Variants in AGAP1 observed in about 807,000 individuals in gnomAD.
AGAP1 encodes the protein ArfGAP with GTPase domain, ankyrin repeat and PH domain 1, also known as arf-GAP with GTPase, ANK repeat and PH domain-containing protein 1.
In AGAP1, 29 loss-of-function variants were observed where a neutral mutation model predicts 105.3. That is an observed-to-expected ratio of 0.28 (90% CI 0.21 to 0.38). AGAP1 has a LOEUF of 0.38. Among genes scored for constraint, AGAP1 ranks in the 10% least tolerant of loss-of-function variants. The pLI is 1.00. For synonymous variants in AGAP1, 509 were observed against 485.9 expected (o/e 1.05, Z -0.63); for missense variants, 998 against 1,165.1 (o/e 0.86, Z 2.09).
Position 236,113,003 on chromosome 2 carries a change from G to GT in AGAP1, c.2115-7184dup, listed in dbSNP as rs2059688412. Among the ~76,000 whole-genome samples the GT allele has an allele frequency of 6.6e-6, 1 of 152,324 alleles. No homozygotes were observed. Among genetic ancestry groups the GT allele is most frequent in the African/African-American group, 2.4e-5 (1 of 41,580 alleles). ...GTCTGTCAGTTCTAGGCTCTCCACT[G>GT]TTTTTCCCCTTTTGAAACTTGCAAT... On this transcript the variant is annotated intron_variant, in intron 16 of 17. Transcript: ENST00000304032. The surrounding 1 kb of genome is among the most constrained non-coding windows in gnomAD (Gnocchi z 4.3).
At chr2:235,944,292 T>G (rs1177791186) in intron 12 of AGAP1, among the ~76,000 whole-genome samples, 3 of 152,230 alleles carry the variant, frequency 2.0e-5, no homozygotes, top group Admixed American at 2.0e-4. Flanking sequence ...TGGTCATAGT[T>G]CAAGAATTCA....
intron 6 of AGAP1, among the ~76,000 whole-genome samples, chr2:235,780,426 G>A (rs1321667695): frequency 6.6e-6 from 1 of 152,142 alleles, no homozygotes; most frequent in Non-Finnish European, 1.5e-5. Context: ...GAGATCTTCT[G>A]TCAGTGTGAT....
chr2:235,796,894 G>A (rs943166771), intron 6 of AGAP1, among the ~76,000 whole-genome samples: 13 of 152,328 alleles, frequency 8.5e-5, no homozygotes, highest in African/African-American at 3.1e-4. Flanking sequence ...CATTGGTGTA[G>A]GAAGAGTTTT....
rs558268738 is a variant in AGAP1, at chr2:235,723,806, A to G, written c.310+6162A>G. Among the ~76,000 whole-genome samples, 327 of 107,888 alleles carry G rather than the reference A, an allele frequency of 3.0e-3. No homozygotes were observed. Among genetic ancestry groups the G allele is most frequent in the African/African-American group, 0.011 (310 of 28,672 alleles). The allele number at this position is 107,888 out of a possible 152,430, so 70.8% of individuals were successfully genotyped here. A position where few individuals can be genotyped will look rare whatever the true frequency, so the allele number is the denominator to read the frequency against. ...GGTTGGTTGGTTGGTTGGTTGGTCG[A>G]TCGACAGAGACTTAAGAATGTTCAT... On this transcript the variant is annotated intron_variant, in intron 3 of 17. Transcript: ENST00000304032. The surrounding 1 kb of genome is among the most constrained non-coding windows in gnomAD (Gnocchi z 6.2).
intron 1 of AGAP1, among the ~76,000 whole-genome samples, chr2:235,684,135 G>A (rs973493492): frequency 9.2e-5 from 14 of 152,190 alleles, no homozygotes; most frequent in Non-Finnish European, 1.3e-4. Flanking sequence ...TCCGCTTCCC[G>A]GGTTCACACC....
intron 15 of AGAP1, among the ~76,000 whole-genome samples, chr2:236,043,793 A>T (rs1233881937): frequency 1.3e-5 from 2 of 152,110 alleles, no homozygotes; most frequent in South Asian, 2.1e-4. Flanking sequence ...TAAAATGAAA[A>T]AGGGGTATGA....
At position 235,807,301 on chromosome 2, in the gene AGAP1, TG is replaced by T; in HGVS notation, c.1023del (p.Ser342AlafsTer13). 6.2e-7 allele frequency: 1 copy of T among 1,602,984 alleles called. No individual in the cohort carries two copies. The highest frequency in any genetic ancestry group is 8.5e-7 in the Non-Finnish European group (1 of 1,177,208). ...GCCTGGAGAGTCGTGCGGACAGCATTGGGAGCGGCCGAGCCATCCCAATTAA... is the reference window on the plus strand; with the variant it reads ...GCCTGGAGAGTCGTGCGGACAGCATTGGAGCGGCCGAGCCATCCCAATTAA... ...KGLESRADSI[G>X]SGRAIPIKQG... On this transcript the variant is annotated frameshift_variant, in exon 9 of 18. Transcript: ENST00000304032. LOFTEE classifies it high-confidence loss of function.
Position 235,979,616 on chromosome 2 carries a change from A to G in AGAP1, c.1645+10993A>G, listed in dbSNP as rs761579838. Among the ~76,000 whole-genome samples the G allele has an allele frequency of 6.6e-6, 1 of 152,202 alleles. No individual in the cohort carries two copies. The highest frequency in any genetic ancestry group is 1.5e-5 in the Non-Finnish European group (1 of 68,038). On this transcript the variant is annotated intron_variant, in intron 13 of 17. Coordinates refer to ENST00000304032, the MANE Select transcript of AGAP1 (RefSeq NM_001037131.3). This position sits in a 1 kb window ranked among gnomAD's most constrained non-coding sequence, Gnocchi z 4.5. ...GAACAGGCGCAGCGAACGTTCCGGCAGGCATTGCCGTGCACGGACACACAA... is the reference window on the plus strand; with the variant it reads ...GAACAGGCGCAGCGAACGTTCCGGCGGGCATTGCCGTGCACGGACACACAA...
chr2:235,916,172 AAAAAAG>A (rs2051873159), intron 11 of AGAP1, among the ~76,000 whole-genome samples: 1 of 152,216 alleles, frequency 6.6e-6, no homozygotes, highest in Non-Finnish European at 1.5e-5. Flanking sequence ...ACTCCAGAAA[AAAAAAG>A]AAGAATCCAA....
intron 3 of AGAP1, among the ~76,000 whole-genome samples, chr2:235,718,645 C>T (rs975422921): frequency 2.6e-5 from 4 of 152,326 alleles, no homozygotes; most frequent in East Asian, 1.9e-4. Flanking sequence ...CTGAATACTG[C>T]GGAACCGTTC....
rs1392945480 is a variant in AGAP1 at position 236,020,321 on chromosome 2, G to A, written c.1646-16240G>A. On this transcript the variant is annotated intron_variant, in intron 13 of 17. Transcript: ENST00000304032. This position sits in a 1 kb window ranked among gnomAD's most constrained non-coding sequence, Gnocchi z 5.0. ...AAGAAAATTGCAGTGTTTGAACGTT[G>A]TTTATGTAGCCAGGAACAGAGATTT... is the stretch of plus-strand genomic sequence containing the variant. Among the ~76,000 whole-genome samples the A allele has an allele frequency of 6.6e-6, 1 of 152,224 alleles. No homozygotes were observed. Among genetic ancestry groups the A allele is most frequent in the Non-Finnish European group, 1.5e-5 (1 of 68,040 alleles).
rs1251941404 is a variant in AGAP1 at position 235,927,519 on chromosome 2, G to A, written c.1325-3246G>A. Among the ~76,000 whole-genome samples, 1 of 152,162 alleles carries A rather than the reference G, an allele frequency of 6.6e-6. No homozygotes were observed. Among genetic ancestry groups the A allele is most frequent in the Non-Finnish European group, 1.5e-5 (1 of 68,018 alleles). On this transcript the variant is annotated intron_variant, in intron 11 of 17. Coordinates refer to ENST00000304032, the MANE Select transcript of AGAP1 (RefSeq NM_001037131.3). The surrounding 1 kb of genome is among the most constrained non-coding windows in gnomAD (Gnocchi z 4.4). ...GGAATCTCTCCCTTCCTTTTTGGCA[G>A]TGTGATGTTTGGCCATGAGATGAAG...
Position 235,694,293 on chromosome 2 carries a change from C to T in AGAP1, c.164-14886C>T, listed in dbSNP as rs1251617416. ...AGGAGATCGAGACCATCCTGGCTAT[C>T]ATGGTGAAACCCCGTCTCTACTAAA... On this transcript the variant is annotated intron_variant, in intron 1 of 17. Transcript: ENST00000304032. 2.6e-5 allele frequency among the ~76,000 whole-genome samples: 4 copies of T among 151,938 alleles called. No individual in the cohort carries two copies. In the South Asian group the frequency reaches 8.3e-4, roughly 32 times the overall value.
At chr2:236,064,702 C>T (rs1441087465) in intron 16 of AGAP1, among the ~76,000 whole-genome samples, 1 of 152,174 alleles carries the variant, frequency 6.6e-6, no homozygotes, top group Non-Finnish European at 1.5e-5. Flanking sequence ...AGGATCAGCT[C>T]CCACCAGCTG....
At chr2:235,652,595 A>G (rs947023636) in intron 1 of AGAP1, among the ~76,000 whole-genome samples, 4 of 152,148 alleles carry the variant, frequency 2.6e-5, no homozygotes, top group African/African-American at 7.2e-5. Context: ...TTGAACAGAA[A>G]CATAAGTGAT....
chr2:235,621,826 G>A lies in AGAP1; in HGVS notation c.164-87353G>A, dbSNP rs78514326. On this transcript the variant is annotated intron_variant, in intron 1 of 17. Transcript: ENST00000304032. This position sits in a 1 kb window ranked among gnomAD's most constrained non-coding sequence, Gnocchi z 4.1. The stretch of plus-strand genomic sequence containing the variant: ...CACATGGCAGTAACCCCCTGGGAGC[G>A]GCTGCTGATGTTCTGGCTCTCTGCA... 6.9e-3 allele frequency among the ~76,000 whole-genome samples: 1,045 copies of A among 152,260 alleles called. 13 individuals carry two copies. The highest frequency in any genetic ancestry group is 0.024 in the African/African-American group (1,002 of 41,554).
chr2:235,766,079 T>C (rs970938763), intron 6 of AGAP1, among the ~76,000 whole-genome samples: 1 of 152,238 alleles, frequency 6.6e-6, no homozygotes, highest in African/African-American at 2.4e-5. Flanking sequence ...GTTTTATGAA[T>C]GTCGTACTTA....
At chr2:235,923,212 C>T (rs2125113464) in intron 11 of AGAP1, among the ~76,000 whole-genome samples, 1 of 152,164 alleles carries the variant, frequency 6.6e-6, no homozygotes, top group East Asian at 1.9e-4. Flanking sequence ...TTTATGACTG[C>T]CTTCCTGTGG....
At chr2:235,921,879 A>G (rs558225501) in intron 11 of AGAP1, among the ~76,000 whole-genome samples, 85 of 152,354 alleles carry the variant, frequency 5.6e-4, no homozygotes, top group African/African-American at 1.9e-3. Flanking sequence ...AAAGCAAGGC[A>G]GATCTCCAAT....
Sources: gnomAD v4.1 joint callset for allele counts (sites outside exome capture counted in the v4.1 genomes callset) on GRCh38, gnomAD v4.1.1 for gene constraint, Gnocchi (gnomAD v3.1) non-coding constraint, MANE v1.5 for transcripts, NCBI Gene and HGNC (gene_info 2026-07-23, HGNC 2026-07-21) for gene names.